The following LRRC69 variants were observed in gnomAD, a reference collection of about 807,000 sequenced individuals.
LRRC69 encodes leucine-rich repeat-containing protein 69.
Under a neutral mutation model 37.8 loss-of-function variants are expected in LRRC69, and 42 were observed. The ratio of observed to expected loss-of-function variants is 1.11; its 90% CI spans 0.87 to 1.44. The LOEUF is 1.44. Ranked by LOEUF, LRRC69 falls within the 40% of genes most tolerant of loss-of-function variation. LRRC69 has a pLI of 0.00. For missense variants in LRRC69, 357 were observed against 401.9 expected (o/e 0.89, Z 0.96); for synonymous variants, 141 against 143.1 (o/e 0.99, Z 0.11).
intron 6 of LRRC69, among the ~76,000 whole-genome samples, chr8:91,197,408 A>G (rs1189905860): frequency 6.6e-6 from 1 of 152,134 alleles, no homozygotes; most frequent in African/African-American, 2.4e-5. Flanking sequence ...TTACCTAATC[A>G]AGCCTGGCCA....
chr8:91,135,464 G>A (rs1206032755), intron 4 of LRRC69, among the ~76,000 whole-genome samples: 1 of 151,990 alleles, frequency 6.6e-6, no homozygotes, highest in African/African-American at 2.4e-5. Flanking sequence ...GCCCTGGAGT[G>A]GTCAGAGGAA....
chr8:91,114,783 A>C (rs1028536853), intron 1 of LRRC69, among the ~76,000 whole-genome samples: 16 of 151,990 alleles, frequency 1.1e-4, no homozygotes, highest in African/African-American at 3.6e-4. Context: ...CACAATGACA[A>C]AATTGCCTAA....
chr8:91,112,911 CAT>C (rs1405198545), intron 1 of LRRC69, among the ~76,000 whole-genome samples: 1 of 151,812 alleles, frequency 6.6e-6, no homozygotes. Context: ...AAAAATCAAT[CAT>C]ATTTCTATAT....
rs77295026 is a variant in LRRC69, at chr8:91,143,143, G to A, written c.651+7404G>A. ...AAACTTCTTAAACATTTATTCATCA[G>A]CCAATCTAAAATTGGAGAGATTTTT... On this transcript the variant is annotated intron_variant, in intron 5 of 7. Coordinates refer to ENST00000448384, the Ensembl canonical transcript of LRRC69. Among the ~76,000 whole-genome samples the A allele has an allele frequency of 1.1e-3, 172 of 152,162 alleles. 5 individuals carry two copies. In the East Asian group the frequency reaches 0.031, roughly 28 times the overall value.
chr8:91,144,916 A>G (rs1375014967), intron 5 of LRRC69, among the ~76,000 whole-genome samples: 1 of 152,010 alleles, frequency 6.6e-6, no homozygotes, highest in Non-Finnish European at 1.5e-5. Flanking sequence ...TTTCCAAATG[A>G]ATTCATCTGC....
At chr8:91,141,477 A>C (rs901676120) in intron 5 of LRRC69, among the ~76,000 whole-genome samples, 1 of 152,038 alleles carries the variant, frequency 6.6e-6, no homozygotes, top group African/African-American at 2.4e-5. Flanking sequence ...TGAGTTTATT[A>C]CTCTATTTGG....
At chr8:91,186,050 T>A (rs545069833) in intron 5 of LRRC69, among the ~76,000 whole-genome samples, 1 of 152,294 alleles carries the variant, frequency 6.6e-6, no homozygotes, top group South Asian at 2.1e-4. Context: ...GTCCTGGGGC[T>A]TTGTGGGAAC....
At chr8:91,104,136 A>G (rs940372411) in intron 1 of LRRC69, among the ~76,000 whole-genome samples, 9 of 151,974 alleles carry the variant, frequency 5.9e-5, no homozygotes, top group Non-Finnish European at 1.2e-4. Flanking sequence ...CACATCTGGA[A>G]TCAGGGGATT....
chr8:91,212,319 A>T (rs1809943802), intron 7 of LRRC69, among the ~76,000 whole-genome samples: 2 of 151,838 alleles, frequency 1.3e-5, no homozygotes, highest in South Asian at 4.1e-4. Context: ...CATTTCTTAT[A>T]GTTTCGTTAG....
At chr8:91,207,275 C>T (rs908070920) in intron 7 of LRRC69, among the ~76,000 whole-genome samples, 5 of 152,152 alleles carry the variant, frequency 3.3e-5, no homozygotes, top group Non-Finnish European at 7.3e-5. Context: ...AATAATAATA[C>T]CCATCACACA....
chr8:91,132,175 CAT>C (rs1007307318), intron 3 of LRRC69, among the ~76,000 whole-genome samples: 6 of 152,050 alleles, frequency 3.9e-5, no homozygotes, highest in African/African-American at 1.4e-4. Flanking sequence ...GAGATCATTA[CAT>C]GTTTTCACTC....
In LRRC69 at chr8:91,133,128, T is replaced by G; in HGVS notation, c.402T>G (p.Tyr134Ter). The change falls in exon 4 of 8, where the codon TAT becomes TAG. Residue 134 changes from tyrosine (Y) to a stop codon, truncating the protein, a stop_gained. Transcript: ENST00000448384. LOFTEE classifies it high-confidence loss of function. The stretch of plus-strand genomic sequence containing the variant: ...TTTTTAGATTAAAAAGTCTTACTTA[T>G]ATGAGTATAAATTATAACCAACTAG... 6.7e-7 allele frequency: 1 copy of G among 1,486,382 alleles called. No individual in the cohort carries two copies. The highest frequency in any genetic ancestry group is 9.0e-7 in the Non-Finnish European group (1 of 1,112,364). The allele number at this position is 1,486,382 out of a possible 1,614,324, so 92.1% of individuals were successfully genotyped here.
chr8:91,173,515 G>A (rs7000062), intron 5 of LRRC69, among the ~76,000 whole-genome samples: 72 of 151,698 alleles, frequency 4.7e-4, no homozygotes, highest in Middle Eastern at 3.4e-3. Flanking sequence ...TATTTTTACC[G>A]TCTTAAAACT....
In LRRC69 at chr8:91,147,872, C is replaced by G. The variant is rs546258755; in HGVS notation, c.651+12133C>G. ...CTGATTTTCTCCCCACCTGGCCCCC[C>G]CAACAGGCCTTGGTGTGTATTGTTC... On this transcript the variant is annotated intron_variant, in intron 5 of 7. Coordinates refer to ENST00000448384, the Ensembl canonical transcript of LRRC69. Among the ~76,000 whole-genome samples, 152 of 151,700 alleles carry G rather than the reference C, an allele frequency of 1.0e-3. 3 individuals are homozygous for G. Among genetic ancestry groups the G allele is most frequent in the Non-Finnish European group, 1.2e-3 (83 of 67,874 alleles).
chr8:91,114,947 A>G (rs1418879511), intron 1 of LRRC69, among the ~76,000 whole-genome samples: 8 of 152,074 alleles, frequency 5.3e-5, no homozygotes, highest in Non-Finnish European at 2.9e-5. Flanking sequence ...AACCAGATGC[A>G]GAAAGACAAA....
chr8:91,179,633 C>A (rs1033702709), intron 5 of LRRC69, among the ~76,000 whole-genome samples: 2 of 152,282 alleles, frequency 1.3e-5, no homozygotes, highest in South Asian at 2.1e-4. Context: ...TCTAAAGATA[C>A]CTTTATTATC....
At chr8:91,155,887 C>CATAT (rs71560301) in intron 5 of LRRC69, among the ~76,000 whole-genome samples, 4 of 146,924 alleles carry the variant, frequency 2.7e-5, no homozygotes, top group African/African-American at 5.1e-5. Flanking sequence ...ATATACACAA[C>CATAT]ATATATATAT....
At chr8:91,105,845 G>A (rs773462823) in intron 1 of LRRC69, among the ~76,000 whole-genome samples, 27 of 152,026 alleles carry the variant, frequency 1.8e-4, no homozygotes, top group Non-Finnish European at 3.4e-4. Flanking sequence ...CCACAAATAA[G>A]CAATGAGGAC....
intron 1 of LRRC69, among the ~76,000 whole-genome samples, chr8:91,117,559 C>CTTTT (rs35003763): frequency 4.0e-4 from 46 of 115,114 alleles, no homozygotes; most frequent in African/African-American, 1.3e-3. Flanking sequence ...ACAAGATCCA[C>CTTTT]TTTTTTTTTT....
Sources: gnomAD v4.1 joint callset for allele counts (sites outside exome capture counted in the v4.1 genomes callset) on GRCh38, gnomAD v4.1.1 for gene constraint, MANE v1.5 for transcripts, NCBI Gene and HGNC (gene_info 2026-07-23, HGNC 2026-07-21) for gene names.